The following PRTG variants were observed in gnomAD, a reference collection of about 807,000 sequenced individuals.
PRTG encodes the protein immunoglobulin superfamily, DCC subclass, member 5.
In PRTG, 67 loss-of-function variants were observed where a neutral mutation model predicts 122.5. The observed-to-expected ratio is 0.55, with a 90% CI of 0.45 to 0.67. The LOEUF is 0.67. Among genes scored for constraint, PRTG ranks in the 30% least tolerant of loss-of-function variants. The pLI is 0.00. For synonymous variants in PRTG, 554 were observed against 501.1 expected, an observed-to-expected ratio of 1.11 and a Z score of -1.41; for missense variants, 1,435 against 1,415.4, an observed-to-expected ratio of 1.01 and a Z score of -0.22.
At chr15:55,667,274 A>G (rs1013502320) in intron 11 of PRTG, among the ~76,000 whole-genome samples, 1 of 151,770 alleles carries the variant, frequency 6.6e-6, no homozygotes, top group African/African-American at 2.4e-5. Flanking sequence ...ATCAATCTGT[A>G]AACACTTTAT....
In PRTG at chr15:55,673,510, C is replaced by G. The variant is rs376455449; in HGVS notation, c.1713G>C (p.Gly571=). Residue 571 remains glycine, a synonymous_variant, in exon 10 of 20, where the codon GGG becomes GGC. Transcript: ENST00000389286. ...CTTCCAAAAGGTACTCATGCGTGGT[C>G]CCCGGGAGCTCCAGAACTTGGATTG... ...ENSIQVLELP[G]TTHEYLLEGL... is the part of the protein sequence containing the mutation. 1.4e-5 allele frequency: 23 copies of G among 1,613,964 alleles called. No homozygotes were observed. The highest frequency in any genetic ancestry group is 1.9e-5 in the Non-Finnish European group (22 of 1,180,018).
rs1390736121 is a variant in PRTG at position 55,615,569 on chromosome 15, C to A, written c.*4443G>T. 1.3e-5 allele frequency: 2 copies of A among 152,088 alleles called. No individual in the cohort carries two copies. Among genetic ancestry groups the A allele is most frequent in the African/African-American group, 4.8e-5 (2 of 41,428 alleles). 9.4% of individuals were successfully genotyped at this position (152,088 alleles called of 1,614,324 possible). A position where few individuals can be genotyped will look rare whatever the true frequency, so the allele number is the denominator to read the frequency against. ...TAGACAACTGGTTGTATATGGTAGTCTCCAGAACCTGCTACTCAGTGCTCA... is the reference window on the plus strand; with the variant it reads ...TAGACAACTGGTTGTATATGGTAGTATCCAGAACCTGCTACTCAGTGCTCA... On this transcript the variant is annotated 3_prime_UTR_variant, in exon 20 of 20. Coordinates refer to ENST00000389286, the MANE Select transcript of PRTG (RefSeq NM_173814.6).
intron 15 of PRTG, among the ~76,000 whole-genome samples, chr15:55,635,104 T>TGTGTGTGTGTGTGTGTGTGTGTG (rs773250114): frequency 8.9e-6 from 1 of 112,640 alleles, no homozygotes; most frequent in African/African-American, 4.6e-5. Context: ...TGTGTGTGTG[T>TGTGTGTGTGTGTGTGTGTGTGTG]TTTTTGAGAC....
intron 2 of PRTG, among the ~76,000 whole-genome samples, chr15:55,694,783 A>C (rs1770492177): frequency 6.6e-6 from 1 of 152,254 alleles, no homozygotes; most frequent in African/African-American, 2.4e-5. Flanking sequence ...AAATGGGAAA[A>C]CACCTCATGT....
chr15:55,705,679 G>GC (rs1312100619), intron 2 of PRTG, among the ~76,000 whole-genome samples: 1 of 151,914 alleles, frequency 6.6e-6, no homozygotes, highest in African/African-American at 2.4e-5. Flanking sequence ...GACCTCAAGT[G>GC]ATCCTCCCGC....
At chr15:55,633,785 G>A (rs1332322453) in intron 15 of PRTG, among the ~76,000 whole-genome samples, 1 of 152,000 alleles carries the variant, frequency 6.6e-6, no homozygotes, top group Non-Finnish European at 1.5e-5. Context: ...TGATTTATTT[G>A]TTCTCTATGA....
intron 11 of PRTG, among the ~76,000 whole-genome samples, chr15:55,658,990 A>G (rs1376264855): frequency 6.6e-6 from 1 of 152,212 alleles, no homozygotes; most frequent in Non-Finnish European, 1.5e-5. Context: ...TACTGTGTGC[A>G]CAGGTTTCAT....
At position 55,658,848 on chromosome 15, in the gene PRTG, G is replaced by A. The variant is rs550728226; in HGVS notation, c.2041+13597C>T. On this transcript the variant is annotated intron_variant, in intron 11 of 19. Coordinates refer to ENST00000389286, the MANE Select transcript of PRTG (RefSeq NM_173814.6). ...CTTAAGTTTTGTGTTTCTGTATTGAGTCACTTCAAATTTTTCTTAGAAGGA... is the reference window on the plus strand; with the variant it reads ...CTTAAGTTTTGTGTTTCTGTATTGAATCACTTCAAATTTTTCTTAGAAGGA... Among the ~76,000 whole-genome samples the A allele has an allele frequency of 2.0e-5, 3 of 152,114 alleles. No individual in the cohort carries two copies. The East Asian group carries it at 5.8e-4, about 29-fold the overall frequency.
intron 11 of PRTG, among the ~76,000 whole-genome samples, chr15:55,667,561 A>G (rs977022403): frequency 2.6e-5 from 4 of 152,182 alleles, no homozygotes; most frequent in Admixed American, 2.6e-4. Flanking sequence ...AAGTTTCAAC[A>G]TATTTTGGCA....
At chr15:55,661,457 AG>A (rs1431467514) in intron 11 of PRTG, among the ~76,000 whole-genome samples, 1 of 152,166 alleles carries the variant, frequency 6.6e-6, no homozygotes, top group Non-Finnish European at 1.5e-5. Flanking sequence ...TACTTTATTT[AG>A]GGTTCTTTTC....
chr15:55,722,783 T>TC (rs1413347543), intron 2 of PRTG, among the ~76,000 whole-genome samples: 1 of 7,440 alleles, frequency 1.3e-4, no homozygotes, highest in South Asian at 0.083. Context: ...ACTAACAAAA[T>TC]TTGACAAGGT....
chr15:55,720,560 G>C (rs1400762786), intron 2 of PRTG, among the ~76,000 whole-genome samples: 2 of 152,010 alleles, frequency 1.3e-5, no homozygotes, highest in Non-Finnish European at 2.9e-5. Flanking sequence ...TACTCATGTG[G>C]TCGTCCATCT....
chr15:55,679,525 TG>T, intron 6 of PRTG, 80 bp from the exon 7 acceptor site: 2 of 1,072,938 alleles, frequency 1.9e-6, no homozygotes, highest in Non-Finnish European at 2.7e-6. Context: ...AAACAGCAAA[TG>T]AAACAAGCCC....
intron 2 of PRTG, among the ~76,000 whole-genome samples, chr15:55,708,807 T>A (rs1001723299): frequency 1.3e-5 from 2 of 151,982 alleles, no homozygotes; most frequent in South Asian, 4.1e-4. Flanking sequence ...TACTTTTTTT[T>A]AAGTCCTTAG....
chr15:55,655,152 T>C lies in PRTG; in HGVS notation c.2042-13944A>G, dbSNP rs58240940. ...AGAAACAGTATGTTACAACAACTTATGTAAACTCACTGCAATAGATTTTAA... is the reference window on the plus strand; with the variant it reads ...AGAAACAGTATGTTACAACAACTTACGTAAACTCACTGCAATAGATTTTAA... On this transcript the variant is annotated intron_variant, in intron 11 of 19. Coordinates refer to ENST00000389286, the MANE Select transcript of PRTG (RefSeq NM_173814.6). 1.0e-3 allele frequency: 159 copies of C among 152,352 alleles called. 1 individual carries two copies. Among genetic ancestry groups the C allele is most frequent in the African/African-American group, 3.7e-3 (152 of 41,582 alleles). The allele number at this position is 152,352 out of a possible 1,614,324, so 9.4% of individuals were successfully genotyped here. A position where few individuals can be genotyped will look rare whatever the true frequency, so the allele number is the denominator to read the frequency against.
chr15:55,633,153 C>T (rs886727805), intron 15 of PRTG, among the ~76,000 whole-genome samples: 2 of 152,108 alleles, frequency 1.3e-5, no homozygotes, highest in Admixed American at 6.5e-5. Context: ...TGAGACAGAA[C>T]ATAATTTCCT....
Position 55,620,648 on chromosome 15 carries a change from A to G in PRTG, c.3198+15T>C, listed in dbSNP as rs753445901. ...TCACGCATTGCCAAAAATTTTTCTC[A>G]TTTAGATAGGTTACCTGCTCAACTT... On this transcript the variant is annotated intron_variant, in intron 19 of 19. Coordinates refer to ENST00000389286, the MANE Select transcript of PRTG (RefSeq NM_173814.6). 7.0e-6 allele frequency: 11 copies of G among 1,573,314 alleles called. No individual in the cohort carries two copies. The Admixed American group carries it at 1.1e-4, about 16-fold the overall frequency.
chr15:55,679,004 G>C (rs980639097), intron 7 of PRTG, among the ~76,000 whole-genome samples: 2 of 152,114 alleles, frequency 1.3e-5, no homozygotes, highest in East Asian at 3.8e-4. Context: ...AACTCTAGTG[G>C]TGGCTTAATA....
chr15:55,686,344 G>A (rs1474997560), intron 2 of PRTG, among the ~76,000 whole-genome samples: 1 of 151,870 alleles, frequency 6.6e-6, no homozygotes, highest in Non-Finnish European at 1.5e-5. Flanking sequence ...CTTCAAAATG[G>A]GAATTTTACT....
Sources: gnomAD v4.1 joint callset for allele counts (sites outside exome capture counted in the v4.1 genomes callset) on GRCh38, gnomAD v4.1.1 for gene constraint, MANE v1.5 for transcripts, NCBI Gene and HGNC (gene_info 2026-07-23, HGNC 2026-07-21) for gene names.